LCN10: variants seen among roughly 807,000 people sequenced by gnomAD.
LCN10 encodes epididymal-specific lipocalin-10.
LCN10 carries 18 observed loss-of-function variants against 25.1 expected under a neutral mutation model. The observed-to-expected ratio is 0.72, with a 90% CI of 0.50 to 1.06. The LOEUF (loss-of-function observed/expected upper bound fraction) is 1.06, where lower values mean the gene tolerates loss of function less well. Ranked by LOEUF, LCN10 falls within the 50% of genes least tolerant of loss-of-function variation. The pLI, the probability that LCN10 is intolerant of heterozygous loss-of-function variation, is 0.00. For missense variants in LCN10, 257 were observed against 258.9 expected, an observed-to-expected ratio of 0.99 and a Z score of 0.05; for synonymous variants, 130 against 116.7, an observed-to-expected ratio of 1.11 and a Z score of -0.73.
At position 136,740,913 on chromosome 9, in the gene LCN10, G is replaced by T; in HGVS notation, c.398C>A (p.Ser133Tyr). 1 of 1,613,804 alleles carries T rather than the reference G, an allele frequency of 6.2e-7. No individual in the cohort carries two copies. Among genetic ancestry groups the T allele is most frequent in the Non-Finnish European group, 8.5e-7 (1 of 1,179,832 alleles). Residue 133 changes from serine (S) to tyrosine (Y), a missense_variant, in exon 4 of 6, where the codon TCC (serine) becomes TAC (tyrosine). By Grantham distance (144) the Ser-to-Tyr change is moderately radical. Transcript: ENST00000497771. This position sits in a 1 kb window ranked among gnomAD's most constrained non-coding sequence, Gnocchi z 5.3. ...GACCAAGCCGTAGCTGTAGTCAGTGGACAGCACGTGGAAGGCCTTCACCCC... is the reference window on the plus strand; with the variant it reads ...GACCAAGCCGTAGCTGTAGTCAGTGTACAGCACGTGGAAGGCCTTCACCCC... ...VKGVKAFHVLSTDYSYGLVYL... is the reference protein window; with the variant it reads ...VKGVKAFHVLYTDYSYGLVYL...
chr9:136,742,833 A>T lies in LCN10; in HGVS notation c.71T>A (p.Val24Glu). The change falls in exon 1 of 6, where the codon GTG becomes GAG. Residue 24 changes from valine (V) to glutamate (E), a missense_variant. Coordinates refer to ENST00000497771, the MANE Select transcript of LCN10 (RefSeq NM_001001712.3). ...LVLVLAAGSQ[V>E]QEWYPRESHA... is the part of the protein sequence containing the mutation. The stretch of plus-strand genomic sequence containing the variant: ...GGACTCCCTGGGGTACCACTCCTGC[A>T]CCTGGGACCCTGCAGCCAGCACTAG... 6.2e-7 allele frequency: 1 copy of T among 1,613,486 alleles called. No individual in the cohort carries two copies. Among genetic ancestry groups the T allele is most frequent in the South Asian group, 1.1e-5 (1 of 91,068 alleles).
chr9:136,742,323 C>A (rs1199291685), intron 1 of LCN10: 2 of 450,136 alleles, frequency 4.4e-6, no homozygotes, highest in Non-Finnish European at 4.0e-6. Context: ...CTCCTGGGGG[C>A]TGGGTACTGC....
In LCN10 at chr9:136,740,430, T is replaced by A; in HGVS notation, c.476-382A>T. 1 of 423,334 alleles carries A rather than the reference T, an allele frequency of 2.4e-6. No individual in the cohort carries two copies. Among genetic ancestry groups the A allele is most frequent in the South Asian group, 2.7e-5 (1 of 37,282 alleles). 26.2% of individuals were successfully genotyped at this position (423,334 alleles called of 1,614,324 possible). ...CTTTCCGTGTACCCCAAGTGGTTGGTGTCTAGAATTGGGTTTGTGGCCCTT... is the reference window on the plus strand; with the variant it reads ...CTTTCCGTGTACCCCAAGTGGTTGGAGTCTAGAATTGGGTTTGTGGCCCTT... On this transcript the variant is annotated intron_variant, in intron 4 of 5. Transcript: ENST00000497771. This position sits in a 1 kb window ranked among gnomAD's most constrained non-coding sequence, Gnocchi z 5.3.
Position 136,739,604 on chromosome 9 carries a change from C to T in LCN10, c.575-51G>A. 6.4e-7 allele frequency: 1 copy of T among 1,559,918 alleles called. No homozygotes were observed. The highest frequency in any genetic ancestry group is 1.9e-5 in the Admixed American group (1 of 53,550). On this transcript the variant is annotated intron_variant, in intron 5 of 5. Transcript: ENST00000497771. The surrounding 1 kb of genome is among the most constrained non-coding windows in gnomAD (Gnocchi z 6.1). ...GTGGGCTGGCTGCTTGGAGGAGACA[C>T]ATGAGCCGTGAACACGTCTCCCCCG...
chr9:136,742,646 G>T, intron 1 of LCN10, 141 bp downstream of exon 1: 1 of 1,062,564 alleles, frequency 9.4e-7, no homozygotes, highest in Non-Finnish European at 1.3e-6. Flanking sequence ...GGAGGCTGCA[G>T]TGGGAGAGGC....
chr9:136,740,618 T>C lies in LCN10; in HGVS notation c.475+218A>G. ...GCTCCCCCTGGATGGCCCACCTTTC[T>C]CTGCAGCCTCTTCCTGACGTCCCCT... On this transcript the variant is annotated intron_variant, in intron 4 of 5. Transcript: ENST00000497771. The surrounding 1 kb of genome is among the most constrained non-coding windows in gnomAD (Gnocchi z 5.3). The C allele has an allele frequency of 1.8e-6, 1 of 556,586 alleles. No homozygotes were observed. The highest frequency in any genetic ancestry group is 2.5e-5 in the South Asian group (1 of 39,894). The allele number at this position is 556,586 out of a possible 1,614,324, so 34.5% of individuals were successfully genotyped here.
Position 136,740,824 on chromosome 9 carries a change from G to C in LCN10, c.475+12C>G, listed in dbSNP as rs765005504. 1.9e-6 allele frequency: 3 copies of C among 1,605,584 alleles called. No homozygotes were observed. Among genetic ancestry groups the C allele is most frequent in the Non-Finnish European group, 2.6e-6 (3 of 1,175,176 alleles). On this transcript the variant is annotated intron_variant, in intron 4 of 5. Coordinates refer to ENST00000497771, the MANE Select transcript of LCN10 (RefSeq NM_001001712.3). The surrounding 1 kb of genome is among the most constrained non-coding windows in gnomAD (Gnocchi z 5.3). Reference sequence around the variant, plus strand: ...CCTCCACCATCCTCTGCCATCCGCTGTGCCTGCTCACGGAAGAGCAGCAGG... The same window carrying C: ...CCTCCACCATCCTCTGCCATCCGCTCTGCCTGCTCACGGAAGAGCAGCAGG...
chr9:136,741,632 A>G (rs1588297630), intron 2 of LCN10: 2 of 616,322 alleles, frequency 3.2e-6, no homozygotes, highest in East Asian at 5.5e-5. Context: ...CAGGAGCTGC[A>G]AGCGGCTTCC....
At chr9:136,741,809 C>A in intron 2 of LCN10, 72 bp downstream of exon 2, 1 of 1,515,360 alleles carries the variant, frequency 6.6e-7, no homozygotes, top group Admixed American at 2.1e-5. Flanking sequence ...CTCCCAGACT[C>A]CTTTCCAGCC....
Position 136,739,494 on chromosome 9 carries a change from G to T in LCN10, c.*31C>A, listed in dbSNP as rs777345956. On this transcript the variant is annotated 3_prime_UTR_variant, in exon 6 of 6. Coordinates refer to ENST00000497771, the MANE Select transcript of LCN10 (RefSeq NM_001001712.3). This position sits in a 1 kb window ranked among gnomAD's most constrained non-coding sequence, Gnocchi z 6.1. ...CTCCTCGGGTCTGGGAGGACCACGC[G>T]TCGAAAGGGAAGAGCAGAGGACGCT... 3.2e-6 allele frequency: 5 copies of T among 1,586,428 alleles called. No individual in the cohort carries two copies. The highest frequency in any genetic ancestry group is 3.6e-5 in the Admixed American group (2 of 55,656).
rs1251852767 is a variant in LCN10, at chr9:136,740,985, C to T, written c.368-42G>A. 1.9e-5 allele frequency: 29 copies of T among 1,539,066 alleles called. No individual in the cohort carries two copies. The East Asian group carries it at 3.2e-4, about 17-fold the overall frequency. ...GAGATGCCCGCTGGTTCCCGGATGG[C>T]GTGGCTGTGCCCGCCCACAGCCCTG... On this transcript the variant is annotated intron_variant, in intron 3 of 5. Transcript: ENST00000497771. This position sits in a 1 kb window ranked among gnomAD's most constrained non-coding sequence, Gnocchi z 5.3.
intron 2 of LCN10, chr9:136,741,584 G>T: frequency 1.2e-5 from 7 of 605,460 alleles, no homozygotes; most frequent in Non-Finnish European, 2.0e-5. Context: ...CTGTCCCACG[G>T]CACGAGAGAA....
rs1355583529 is a variant in LCN10 at position 136,738,578 on chromosome 9, TC to T, written c.*946del. ...GTTGGGGGGTTCATCTCAGACAACC[TC>T]CCGTCATCACCCCTTGAGTGAGACC... On this transcript the variant is annotated 3_prime_UTR_variant, in exon 6 of 6. Coordinates refer to ENST00000497771, the MANE Select transcript of LCN10 (RefSeq NM_001001712.3). The T allele has an allele frequency of 6.6e-6, 1 of 152,120 alleles. No individual in the cohort carries two copies. Among genetic ancestry groups the T allele is most frequent in the African/African-American group, 2.4e-5 (1 of 41,398 alleles). The allele number at this position is 152,120 out of a possible 1,614,324, so 9.4% of individuals were successfully genotyped here.
In LCN10 at chr9:136,739,167, G is replaced by A. The variant is rs1295102648; in HGVS notation, c.*358C>T. The A allele has an allele frequency of 1.4e-5, 4 of 280,274 alleles. No individual in the cohort carries two copies. Among genetic ancestry groups the A allele is most frequent in the South Asian group, 4.2e-5 (1 of 23,570 alleles). 17.4% of individuals were successfully genotyped at this position (280,274 alleles called of 1,614,324 possible). A position where few individuals can be genotyped will look rare whatever the true frequency, so the allele number is the denominator to read the frequency against. ...GAGAAAGTGCAGGATGTAAAGGAAC[G>A]CGGAGGGTGGCGGCGGCGTGGAGGG... On this transcript the variant is annotated 3_prime_UTR_variant, in exon 6 of 6. Transcript: ENST00000497771. This position sits in a 1 kb window ranked among gnomAD's most constrained non-coding sequence, Gnocchi z 6.1.
In LCN10 at chr9:136,742,115, C is replaced by T; in HGVS notation, c.118-95G>A. 2 of 1,488,992 alleles carry T rather than the reference C, an allele frequency of 1.3e-6. 1 individual carries two copies. Among genetic ancestry groups the T allele is most frequent in the South Asian group, 2.5e-5 (2 of 79,486 alleles). The allele number at this position is 1,488,992 out of a possible 1,614,324, so 92.2% of individuals were successfully genotyped here. A position where few individuals can be genotyped will look rare whatever the true frequency, so the allele number is the denominator to read the frequency against. ...GCTAGAGAACCCAGGAGACAAATGA[C>T]CCTTCTGTGAGCCGGAGTCCCAGCT... is the stretch of plus-strand genomic sequence containing the variant. On this transcript the variant is annotated intron_variant, in intron 1 of 5. Transcript: ENST00000497771.
chr9:136,739,906 G>C lies in LCN10; in HGVS notation c.574+44C>G. On this transcript the variant is annotated intron_variant, in intron 5 of 5. Coordinates refer to ENST00000497771, the MANE Select transcript of LCN10 (RefSeq NM_001001712.3). The surrounding 1 kb of genome is among the most constrained non-coding windows in gnomAD (Gnocchi z 6.1). Reference sequence around the variant, plus strand: ...AATGAATCAGCTCCCCAATGGGACGGGCAGGTAGGGCCAGGAGGGCAAAGG... The same window carrying C: ...AATGAATCAGCTCCCCAATGGGACGCGCAGGTAGGGCCAGGAGGGCAAAGG... 7.0e-7 allele frequency: 1 copy of C among 1,420,476 alleles called. No individual in the cohort carries two copies. Among genetic ancestry groups the C allele is most frequent in the Non-Finnish European group, 9.7e-7 (1 of 1,025,678 alleles). 88.0% of individuals were successfully genotyped at this position (1,420,476 alleles called of 1,614,324 possible).
Position 136,738,373 on chromosome 9 carries a change from CA to C in LCN10, c.*1151del, listed in dbSNP as rs1236059778. 1.3e-5 allele frequency: 2 copies of C among 152,172 alleles called. No homozygotes were observed. Among genetic ancestry groups the C allele is most frequent in the African/African-American group, 4.8e-5 (2 of 41,428 alleles). The allele number at this position is 152,172 out of a possible 1,614,324, so 9.4% of individuals were successfully genotyped here. On this transcript the variant is annotated 3_prime_UTR_variant, in exon 6 of 6. Coordinates refer to ENST00000497771, the MANE Select transcript of LCN10 (RefSeq NM_001001712.3). ...AGCTTCAGGAGGAGTCATGAATATT[CA>C]TGAAAGGAGAAGCGTGTACTGGTCC...
intron 1 of LCN10, 116 bp from the exon 2 acceptor site, chr9:136,742,136 C>G: frequency 7.5e-7 from 1 of 1,325,658 alleles, no homozygotes; most frequent in Non-Finnish European, 1.0e-6. Context: ...GCCGGAGTCC[C>G]AGCTCCGCCC....
chr9:136,742,412 C>A, intron 1 of LCN10: 1 of 407,928 alleles, frequency 2.5e-6, no homozygotes, highest in Non-Finnish European at 4.4e-6. Context: ...CACCGCCGTG[C>A]CAATGAGTGC....
Sources: allele counts gnomAD v4.1 joint callset, GRCh38; gene constraint gnomAD v4.1.1; non-coding constraint Gnocchi (gnomAD v3.1); transcripts MANE v1.5; gene names NCBI Gene and HGNC (gene_info 2026-07-23, HGNC 2026-07-21).